The following EVC2 variants were observed in gnomAD, a reference collection of about 807,000 sequenced individuals.
EVC2 encodes limbin.
EVC2 carries 148 observed loss-of-function variants against 149.3 expected under a neutral mutation model. The observed-to-expected ratio is 0.99, with a 90% CI of 0.87 to 1.14. The LOEUF is 1.14. Among genes scored for constraint, EVC2 ranks in the 50% most tolerant of loss-of-function variants. The pLI, the probability that EVC2 is intolerant of heterozygous loss-of-function variation, is 0.00. For missense variants in EVC2, 1,854 were observed against 1,627.3 expected, an observed-to-expected ratio of 1.14 and a Z score of -2.40; for synonymous variants, 776 against 649.9, an observed-to-expected ratio of 1.19 and a Z score of -2.95.
At chr4:5,701,108 G>C (rs913493241) in intron 1 of EVC2, among the ~76,000 whole-genome samples, 1 of 152,122 alleles carries the variant, frequency 6.6e-6, no homozygotes, top group Non-Finnish European at 1.5e-5. Flanking sequence ...AGACTGCTGC[G>C]TTCCTTAAGT....
downstream of EVC2, among the ~76,000 whole-genome samples, chr4:5,560,363 G>A (rs184441581): frequency 1.3e-5 from 2 of 152,332 alleles, no homozygotes; most frequent in East Asian, 3.9e-4. This position sits in a 1 kb window ranked among gnomAD's most constrained non-coding sequence, Gnocchi z 4.1. Context: ...TTGACTCACA[G>A]TTCCACATGA....
the EVC2 span, among the ~76,000 whole-genome samples, chr4:5,533,690 G>A: frequency 2.4e-4 from 37 of 152,174 alleles, no homozygotes; most frequent in Admixed American, 2.0e-4. Context: ...GCCAGAGTTC[G>A]TTTGCTGGAG....
In EVC2 at chr4:5,628,592, G is replaced by C; in HGVS notation, c.1853C>G (p.Ala618Gly). 1 of 1,614,068 alleles carries C rather than the reference G, an allele frequency of 6.2e-7. No individual in the cohort carries two copies. The highest frequency in any genetic ancestry group is 8.5e-7 in the Non-Finnish European group (1 of 1,180,014). The change falls in exon 12 of 22, where the codon GCC becomes GGC. Residue 618 changes from alanine to glycine, a missense_variant. Coordinates refer to ENST00000344408, the MANE Select transcript of EVC2 (RefSeq NM_147127.5). Reference sequence around the variant, plus strand: ...CTTCTGAATGAGGTGAGTCAGCTGGGCTGCAGCGGTGCTCAGAAGGCCCTG... The same window carrying C: ...CTTCTGAATGAGGTGAGTCAGCTGGCCTGCAGCGGTGCTCAGAAGGCCCTG... ...RVQGLLSTAA[A>G]QLTHLIQKHE...
intron 5 of EVC2, among the ~76,000 whole-genome samples, chr4:5,685,920 C>G (rs766994640): frequency 1.2e-4 from 19 of 152,310 alleles, no homozygotes; most frequent in Admixed American, 8.5e-4. Context: ...TCTAACTCTG[C>G]CAGTCACTGT....
chr4:5,626,051 G>C, intron 12 of EVC2, 143 bp from the exon 13 acceptor site: 1 of 991,922 alleles, frequency 1.0e-6, no homozygotes, highest in Non-Finnish European at 1.5e-6. Flanking sequence ...ACAAGAATGG[G>C]CAGCTAAGAT....
intron 5 of EVC2, among the ~76,000 whole-genome samples, chr4:5,685,956 T>C (rs1480249495): frequency 6.6e-6 from 1 of 152,174 alleles, no homozygotes; most frequent in Middle Eastern, 3.2e-3. Context: ...TCCTCCAATC[T>C]GCCTTTCTCC....
chr4:5,586,651 C>A (rs1712307111), intron 16 of EVC2, among the ~76,000 whole-genome samples: 1 of 114,000 alleles, frequency 8.8e-6, no homozygotes, highest in Admixed American at 8.1e-5. Flanking sequence ...TCTCCACAAC[C>A]CCCTTAGTGT....
Position 5,562,990 on chromosome 4 carries a change from G to C in EVC2, c.3785C>G (p.Thr1262Ser), listed in dbSNP as rs923736115. Residue 1262 changes from threonine (T) to serine (S), a missense_variant, in exon 22 of 22, where the codon ACC becomes AGC. Transcript: ENST00000344408. This position sits in a 1 kb window ranked among gnomAD's most constrained non-coding sequence, Gnocchi z 4.3. Reference sequence around the variant, plus strand: ...CTCTCCTGTGTTTAATAGATCAATGGTTTCTGCCCCTACAATGGGTACAGG... The same window carrying C: ...CTCTCCTGTGTTTAATAGATCAATGCTTTCTGCCCCTACAATGGGTACAGG... ...LAPVPIVGAE[T>S]IDLLNTGEKL... 6 of 1,614,146 alleles carry C rather than the reference G, an allele frequency of 3.7e-6. No homozygotes were observed. The highest frequency in any genetic ancestry group is 4.2e-6 in the Non-Finnish European group (5 of 1,180,022).
downstream of EVC2, among the ~76,000 whole-genome samples, chr4:5,540,586 T>C (rs573787788): frequency 6.6e-6 from 1 of 152,232 alleles, no homozygotes; most frequent in Non-Finnish European, 1.5e-5. Flanking sequence ...GTTCCATTTA[T>C]ATAAAATGCT....
At position 5,592,343 on chromosome 4, in the gene EVC2, A is replaced by G. The variant is rs147284649; in HGVS notation, c.2830-7493T>C. Among the ~76,000 whole-genome samples, 573 of 152,286 alleles carry G rather than the reference A, an allele frequency of 3.8e-3. 2 individuals carry two copies. The highest frequency in any genetic ancestry group is 0.013 in the African/African-American group (545 of 41,570). On this transcript the variant is annotated intron_variant, in intron 16 of 21. Coordinates refer to ENST00000344408, the MANE Select transcript of EVC2 (RefSeq NM_147127.5). ...ATCACAAATGCCCTCCTTGGAGAAA[A>G]GTGGGCCAAGGGATGGAGAATCTAG... is the stretch of plus-strand genomic sequence containing the variant.
Position 5,658,323 on chromosome 4 carries a change from G to A in EVC2, c.1145+4784C>T, listed in dbSNP as rs151176205. Among the ~76,000 whole-genome samples the A allele has an allele frequency of 4.6e-5, 7 of 152,310 alleles. 1 individual carries two copies. In the East Asian group the frequency reaches 1.3e-3, roughly 29 times the overall value. On this transcript the variant is annotated intron_variant, in intron 9 of 21. Transcript: ENST00000344408. Reference sequence around the variant, plus strand: ...GTGAACAAAGAACCTTGGATGAGTTGTTTAACTTCCCTGGGCTTCAAGTTT... The same window carrying A: ...GTGAACAAAGAACCTTGGATGAGTTATTTAACTTCCCTGGGCTTCAAGTTT...
chr4:5,562,072 C>T (rs1452499011), downstream of EVC2, among the ~76,000 whole-genome samples: 1 of 152,118 alleles, frequency 6.6e-6, no homozygotes, highest in African/African-American at 2.4e-5. The surrounding 1 kb of genome is among the most constrained non-coding windows in gnomAD (Gnocchi z 4.3). Context: ...AACACAAGCA[C>T]TTGTATGGAG....
intron 2 of EVC2, among the ~76,000 whole-genome samples, chr4:5,695,052 T>C (rs903335746): frequency 2.0e-5 from 3 of 151,864 alleles, no homozygotes; most frequent in Admixed American, 1.3e-4. Context: ...AGCCCTCCAA[T>C]AGGAAATGAC....
downstream of EVC2, among the ~76,000 whole-genome samples, chr4:5,537,804 A>T (rs1721448015): frequency 6.6e-6 from 1 of 152,212 alleles, no homozygotes; most frequent in African/African-American, 2.4e-5. Context: ...TACTAGAGAG[A>T]AATTTATGGC....
At chr4:5,683,782 A>C (rs1378336790) in intron 6 of EVC2, among the ~76,000 whole-genome samples, 4 of 105,398 alleles carry the variant, frequency 3.8e-5, no homozygotes. Context: ...CCAGGAACAC[A>C]CACAGCTGGC....
rs377559707 is a variant in EVC2, at chr4:5,618,716, A to C, written c.2502-34T>G. On this transcript the variant is annotated intron_variant, in intron 14 of 21. Transcript: ENST00000344408. The surrounding 1 kb of genome is among the most constrained non-coding windows in gnomAD (Gnocchi z 4.4). Reference sequence around the variant, plus strand: ...AAGAACAGAGACACACTCTTAACACAGAGAAAGCCTGGGGGCTGGGCTGGG... The same window carrying C: ...AAGAACAGAGACACACTCTTAACACCGAGAAAGCCTGGGGGCTGGGCTGGG... 7.7e-6 allele frequency: 12 copies of C among 1,556,772 alleles called. No individual in the cohort carries two copies. The highest frequency in any genetic ancestry group is 1.0e-5 in the Non-Finnish European group (12 of 1,148,390).
intron 18 of EVC2, 100 bp from the exon 19 acceptor site, chr4:5,574,872 C>T (rs1722826621): frequency 1.6e-6 from 2 of 1,227,274 alleles, no homozygotes; most frequent in Non-Finnish European, 2.4e-6. Context: ...ACATCTCAGC[C>T]ATATGATTTT....
In EVC2 at chr4:5,613,454, C is replaced by CT. The variant is rs1715009214; in HGVS notation, c.2829+1967_2829+1968insA. Among the ~76,000 whole-genome samples the CT allele has an allele frequency of 2.0e-5, 3 of 152,320 alleles. No individual in the cohort carries two copies. The highest frequency in any genetic ancestry group is 4.1e-4 in the South Asian group (2 of 4,826). The stretch of plus-strand genomic sequence containing the variant: ...CTCAGGGAAATGCTCCCTCTACCCC[C>CT]GAGTATGGCTACTTCCTCCCTGTGC... On this transcript the variant is annotated intron_variant, in intron 16 of 21. Coordinates refer to ENST00000344408, the MANE Select transcript of EVC2 (RefSeq NM_147127.5). The surrounding 1 kb of genome is among the most constrained non-coding windows in gnomAD (Gnocchi z 4.6).
exon 22 of EVC2, chr4:5,543,074 G>T: frequency 8.6e-7 from 1 of 1,169,348 alleles, no homozygotes; most frequent in Non-Finnish European, 1.1e-6. Context: ...TCCAACGATT[G>T]CACTGCTCAG....
Sources: gnomAD v4.1 joint callset for allele counts (sites outside exome capture counted in the v4.1 genomes callset) on GRCh38, gnomAD v4.1.1 for gene constraint, Gnocchi (gnomAD v3.1) non-coding constraint, MANE v1.5 for transcripts, NCBI Gene and HGNC (gene_info 2026-07-23, HGNC 2026-07-21) for gene names.